Variants in AFG2A observed in about 807,000 individuals in gnomAD.
The protein encoded by AFG2A is AAA ATPase AFG2A, also known as ATPase family gene 2 protein homolog A.
At chr4:123,198,135 G>T in the AFG2A span, among the ~76,000 whole-genome samples, 1 of 151,898 alleles carries the variant, frequency 6.6e-6, no homozygotes, top group African/African-American at 2.4e-5. Flanking sequence ...TGGGCATGGT[G>T]GTGGGTGCCT....
At chr4:123,171,724 T>C in the AFG2A span, among the ~76,000 whole-genome samples, 34 of 152,156 alleles carry the variant, frequency 2.2e-4, no homozygotes, top group Admixed American at 2.0e-4. Flanking sequence ...CTCTCAATAT[T>C]TAAATTGAAT....
the AFG2A span, among the ~76,000 whole-genome samples, chr4:123,115,055 C>G: frequency 6.6e-6 from 1 of 152,288 alleles, no homozygotes; most frequent in Non-Finnish European, 1.5e-5. Flanking sequence ...GAGACTGTTG[C>G]CACTGCTGCT....
chr4:123,236,497 GCCA>G, the AFG2A span, among the ~76,000 whole-genome samples: 2 of 152,010 alleles, frequency 1.3e-5, no homozygotes, highest in Non-Finnish European at 2.9e-5. Context: ...TTTTTATGAG[GCCA>G]CCATGTAAGT....
the AFG2A span, among the ~76,000 whole-genome samples, chr4:123,047,775 T>C: frequency 7.2e-5 from 11 of 152,148 alleles, no homozygotes; most frequent in South Asian, 2.1e-4. Context: ...TGATCTTAGC[T>C]TACTTCAGCC....
chr4:123,157,736 A>G, the AFG2A span, among the ~76,000 whole-genome samples: 699 of 152,346 alleles, frequency 4.6e-3, 3 homozygotes, highest in Non-Finnish European at 8.4e-3. Flanking sequence ...TTTCAATATC[A>G]CAAAATGTGT....
the AFG2A span, among the ~76,000 whole-genome samples, chr4:123,003,730 C>A: frequency 6.6e-6 from 1 of 152,030 alleles, no homozygotes; most frequent in Non-Finnish European, 1.5e-5. Context: ...GGGGTGCCTT[C>A]CAGTTGGGGT....
the AFG2A span, among the ~76,000 whole-genome samples, chr4:122,939,274 G>T: frequency 4.0e-5 from 6 of 151,742 alleles, no homozygotes; most frequent in Non-Finnish European, 7.4e-5. Context: ...TAGTAGAGAC[G>T]GGGTTTCTCC....
At chr4:123,184,214 A>G in the AFG2A span, among the ~76,000 whole-genome samples, 1 of 152,184 alleles carries the variant, frequency 6.6e-6, no homozygotes, top group Admixed American at 6.5e-5. Flanking sequence ...TGAAAATCTG[A>G]TATCAAATAA....
At chr4:123,267,036 T>G in the AFG2A span, among the ~76,000 whole-genome samples, 2 of 152,018 alleles carry the variant, frequency 1.3e-5, no homozygotes, top group Non-Finnish European at 2.9e-5. Context: ...ATTCAGTGTA[T>G]GAAAGACACA....
chr4:123,095,518 G>A, the AFG2A span, among the ~76,000 whole-genome samples: 11 of 151,966 alleles, frequency 7.2e-5, no homozygotes, highest in Non-Finnish European at 1.3e-4. Flanking sequence ...TGATTAGCAC[G>A]TAATGTTCAA....
the AFG2A span, among the ~76,000 whole-genome samples, chr4:123,177,386 T>G: frequency 6.6e-6 from 1 of 151,934 alleles, no homozygotes. Flanking sequence ...AGAGACGGGG[T>G]TTCACCGTGT....
At chr4:123,017,040 C>G in the AFG2A span, among the ~76,000 whole-genome samples, 4 of 151,930 alleles carry the variant, frequency 2.6e-5, no homozygotes, top group Non-Finnish European at 2.9e-5. Flanking sequence ...GAGAATCAGG[C>G]AGGGAGGCTG....
chr4:122,933,500 G>A, the AFG2A span: 5 of 1,607,926 alleles, frequency 3.1e-6, no homozygotes, highest in African/African-American at 6.7e-5. Context: ...AAAACTAGGT[G>A]AGACAAATAT....
At chr4:123,289,180 G>A in the AFG2A span, among the ~76,000 whole-genome samples, 1 of 151,836 alleles carries the variant, frequency 6.6e-6, no homozygotes, top group African/African-American at 2.4e-5. Flanking sequence ...ACCCTACCCC[G>A]TTCTGAATCT....
At chr4:123,130,361 A>C in the AFG2A span, among the ~76,000 whole-genome samples, 1 of 152,194 alleles carries the variant, frequency 6.6e-6, no homozygotes. Flanking sequence ...GGTAACCACC[A>C]ACACAATCAC....
chr4:123,291,501 G>C, the AFG2A span, among the ~76,000 whole-genome samples: 1 of 152,260 alleles, frequency 6.6e-6, no homozygotes. Context: ...AGCATCTCTT[G>C]TAGGGCTGGT....
the AFG2A span, among the ~76,000 whole-genome samples, chr4:122,931,912 A>G: frequency 1.3e-5 from 2 of 152,192 alleles, no homozygotes; most frequent in African/African-American, 4.8e-5. Context: ...GGGAGTTGGT[A>G]AATTTGCAAA....
the AFG2A span, among the ~76,000 whole-genome samples, chr4:123,249,638 T>C: frequency 6.6e-6 from 1 of 152,178 alleles, no homozygotes; most frequent in South Asian, 2.1e-4. Flanking sequence ...TTGATATCAC[T>C]GAGTAAACAT....
chr4:123,193,838 A>C, the AFG2A span, among the ~76,000 whole-genome samples: 2 of 152,232 alleles, frequency 1.3e-5, no homozygotes, highest in Non-Finnish European at 2.9e-5. Flanking sequence ...TATATAAGAC[A>C]AAAATAACAC....
Sources: allele counts gnomAD v4.1 joint callset (sites outside exome capture counted in the v4.1 genomes callset), GRCh38; gene constraint gnomAD v4.1.1; transcripts MANE v1.5; gene names NCBI Gene and HGNC (gene_info 2026-07-23, HGNC 2026-07-21).